Variants in OPCML observed in about 807,000 individuals in gnomAD.
OPCML encodes the protein opioid binding protein/cell adhesion molecule like, also known as opioid-binding protein/cell adhesion molecule.
OPCML carries 13 observed loss-of-function variants against 37.8 expected under a neutral mutation model. That is an observed-to-expected ratio of 0.34 (90% CI 0.22 to 0.55). OPCML has a LOEUF of 0.55. Ranked by LOEUF, OPCML falls within the 20% of genes least tolerant of loss-of-function variation. OPCML has a pLI of 0.91. For missense variants in OPCML, 341 were observed against 435.6 expected, an observed-to-expected ratio of 0.78 and a Z score of 1.93; for synonymous variants, 176 against 168.8, an observed-to-expected ratio of 1.04 and a Z score of -0.33.
At chr11:132,699,078 A>C (rs1053724059) in intron 2 of OPCML, among the ~76,000 whole-genome samples, 4 of 151,208 alleles carry the variant, frequency 2.6e-5, no homozygotes, top group African/African-American at 7.3e-5. Context: ...CAAGTCTTTT[A>C]CCTCCTGGTT....
chr11:132,693,823 G>C (rs1338877468), intron 2 of OPCML, among the ~76,000 whole-genome samples: 9 of 152,002 alleles, frequency 5.9e-5, no homozygotes, highest in Admixed American at 5.9e-4. Context: ...CTTTTATTGG[G>C]CTAGAAATAA....
chr11:133,400,293 C>T (rs1227572360), intron 1 of OPCML, among the ~76,000 whole-genome samples: 1 of 152,166 alleles, frequency 6.6e-6, no homozygotes, highest in Non-Finnish European at 1.5e-5. Context: ...AAATCGTGTC[C>T]ACTTGATCCT....
chr11:132,617,808 A>G (rs1478769767), intron 3 of OPCML, among the ~76,000 whole-genome samples: 3 of 152,178 alleles, frequency 2.0e-5, no homozygotes, highest in Non-Finnish European at 4.4e-5. Context: ...TCCTCTTCTC[A>G]TAAGGACACC....
In OPCML at chr11:133,418,560, T is replaced by C. The variant is rs866067581; in HGVS notation, c.61+113704A>G. ...CTGACATAGTTGACTCTATCTTGCT[T>C]CTAACCTCCAAACTGTCCTTGGTCA... On this transcript the variant is annotated intron_variant, in intron 1 of 7. Transcript: ENST00000524381. The C allele has an allele frequency of 8.1e-5, 54 of 666,940 alleles. No individual in the cohort carries two copies. The Middle Eastern group carries it at 3.1e-3, about 38-fold the overall frequency. The allele number at this position is 666,940 out of a possible 1,614,324, so 41.3% of individuals were successfully genotyped here.
chr11:132,491,650 C>T (rs2096216008), intron 4 of OPCML, among the ~76,000 whole-genome samples: 1 of 152,220 alleles, frequency 6.6e-6, no homozygotes, highest in African/African-American at 2.4e-5. Flanking sequence ...ATATTTAATT[C>T]ATTCATTTAT....
chr11:132,551,677 G>T (rs4936170), intron 3 of OPCML, among the ~76,000 whole-genome samples: 50,564 of 151,908 alleles, frequency 0.33, 8,598 homozygotes, highest in Middle Eastern at 0.44. Context: ...CTGACTCAGC[G>T]CAAGAAGACA....
intron 2 of OPCML, among the ~76,000 whole-genome samples, chr11:132,832,108 A>C (rs1340239338): frequency 6.6e-6 from 1 of 151,906 alleles, no homozygotes; most frequent in Non-Finnish European, 1.5e-5. Flanking sequence ...ACAGCCTTCT[A>C]CCTGCAAGGC....
chr11:132,768,831 G>T (rs1457586271), intron 2 of OPCML, among the ~76,000 whole-genome samples: 4 of 152,162 alleles, frequency 2.6e-5, no homozygotes, highest in African/African-American at 9.6e-5. Context: ...TTACATTGCT[G>T]CCCCTCGCCA....
At chr11:133,464,080 G>A (rs1198620521) in intron 1 of OPCML, among the ~76,000 whole-genome samples, 6 of 148,688 alleles carry the variant, frequency 4.0e-5, no homozygotes. Context: ...AGATAAGAGG[G>A]ACTCCAACTC....
intron 2 of OPCML, among the ~76,000 whole-genome samples, chr11:132,833,816 G>C (rs35358784): frequency 0.067 from 10,214 of 152,170 alleles, 394 homozygotes; most frequent in Non-Finnish European, 0.076. Context: ...CTGAAACATC[G>C]TTACGCAGCA....
At chr11:133,483,838 A>G (rs1947453836) in intron 1 of OPCML, among the ~76,000 whole-genome samples, 1 of 97,118 alleles carries the variant, frequency 1.0e-5, no homozygotes, top group African/African-American at 5.9e-5. Context: ...GGATGGATAC[A>G]TAGATGATAG....
At chr11:133,280,151 T>C (rs972495982) in intron 1 of OPCML, among the ~76,000 whole-genome samples, 5 of 152,216 alleles carry the variant, frequency 3.3e-5, no homozygotes, top group African/African-American at 1.2e-4. Context: ...TGTACCCTCC[T>C]AGATTTGCAT....
intron 2 of OPCML, among the ~76,000 whole-genome samples, chr11:132,874,107 C>T (rs1565927695): frequency 6.6e-6 from 1 of 152,160 alleles, no homozygotes; most frequent in Non-Finnish European, 1.5e-5. Flanking sequence ...GGTTCCGCCT[C>T]CTGAGTCTCT....
chr11:133,122,969 A>G (rs994246899), intron 1 of OPCML, among the ~76,000 whole-genome samples: 1 of 152,230 alleles, frequency 6.6e-6, no homozygotes, highest in African/African-American at 2.4e-5. Context: ...TGCTTCTAAA[A>G]TACTGCAAAG....
chr11:132,682,817 C>T (rs538173182), intron 2 of OPCML, among the ~76,000 whole-genome samples: 4 of 152,192 alleles, frequency 2.6e-5, no homozygotes, highest in Admixed American at 1.3e-4. Flanking sequence ...CTTCACAATG[C>T]GTGACCCTCT....
intron 1 of OPCML, among the ~76,000 whole-genome samples, chr11:133,512,343 G>A (rs1008191813): frequency 2.6e-5 from 4 of 152,192 alleles, no homozygotes; most frequent in South Asian, 2.1e-4. Flanking sequence ...TATAAAACAC[G>A]TTACAAAGGC....
chr11:132,693,662 A>C (rs1263757474), intron 2 of OPCML, among the ~76,000 whole-genome samples: 2 of 152,244 alleles, frequency 1.3e-5, no homozygotes, highest in Non-Finnish European at 2.9e-5. Context: ...CCAGATTATA[A>C]TTGCCAATTT....
At chr11:132,945,101 G>C (rs1401869791) in intron 1 of OPCML, among the ~76,000 whole-genome samples, 1 of 151,730 alleles carries the variant, frequency 6.6e-6, no homozygotes, top group Non-Finnish European at 1.5e-5. Context: ...TTTTTAATTA[G>C]AGCATCTTAC....
chr11:132,615,175 T>C (rs964169818), intron 3 of OPCML, among the ~76,000 whole-genome samples: 7 of 152,180 alleles, frequency 4.6e-5, no homozygotes, highest in Non-Finnish European at 8.8e-5. Context: ...AAAATAACAA[T>C]TTTAAAAGAG....
Sources: allele counts gnomAD v4.1 joint callset (sites outside exome capture counted in the v4.1 genomes callset), GRCh38; gene constraint gnomAD v4.1.1; transcripts MANE v1.5; gene names NCBI Gene and HGNC (gene_info 2026-07-23, HGNC 2026-07-21).